Variants in SUGCT observed in about 807,000 individuals in gnomAD.
SUGCT encodes succinyl-CoA:glutarate CoA-transferase.
In SUGCT, 41 loss-of-function variants were observed where a neutral mutation model predicts 55.0. That is an observed-to-expected ratio of 0.74 (90% CI 0.58 to 0.97). The LOEUF is 0.97. SUGCT is among the 50% of genes least tolerant of loss of function. The pLI is 0.00. For synonymous variants in SUGCT, 187 were observed against 200.4 expected (o/e 0.93, Z 0.56); for missense variants, 568 against 547.8 (o/e 1.04, Z -0.37).
At chr7:40,878,758 C>T in the SUGCT span, among the ~76,000 whole-genome samples, 1 of 151,930 alleles carries the variant, frequency 6.6e-6, no homozygotes, top group Non-Finnish European at 1.5e-5. Flanking sequence ...CACCCTCCAC[C>T]ACACATGCAC....
At chr7:40,342,423 C>T (rs1185602731) in intron 9 of SUGCT, among the ~76,000 whole-genome samples, 2 of 152,146 alleles carry the variant, frequency 1.3e-5, no homozygotes, top group Non-Finnish European at 2.9e-5. Flanking sequence ...CATAATATTT[C>T]CTCCAGGCAA....
At chr7:40,448,678 T>G (rs1788996413) in intron 9 of SUGCT, among the ~76,000 whole-genome samples, 1 of 152,080 alleles carries the variant, frequency 6.6e-6, no homozygotes, top group Non-Finnish European at 1.5e-5. Flanking sequence ...AGACCCCATT[T>G]CTACAAAAAG....
the SUGCT span, among the ~76,000 whole-genome samples, chr7:40,888,813 C>T: frequency 1.3e-5 from 2 of 152,124 alleles, no homozygotes; most frequent in African/African-American, 2.4e-5. Flanking sequence ...CTGAGAAGAG[C>T]CCAGGTCACC....
intron 1 of SUGCT, among the ~76,000 whole-genome samples, chr7:40,147,720 TC>T (rs1225147400): frequency 1.6e-4 from 25 of 152,286 alleles, no homozygotes; most frequent in South Asian, 1.0e-3. Context: ...GGTCCTGATT[TC>T]TCACCCCTGA....
At chr7:40,519,442 G>A (rs907355543) in intron 12 of SUGCT, among the ~76,000 whole-genome samples, 4 of 151,938 alleles carry the variant, frequency 2.6e-5, no homozygotes, top group Non-Finnish European at 4.4e-5. Context: ...TTTGTAGTAT[G>A]TTTTCAACTC....
At chr7:40,460,151 T>C (rs980900167) in intron 11 of SUGCT, among the ~76,000 whole-genome samples, 1 of 152,234 alleles carries the variant, frequency 6.6e-6, no homozygotes, top group Non-Finnish European at 1.5e-5. Context: ...TATTTGGGGA[T>C]GTCTGCAGGA....
chr7:40,625,500 T>C (rs898027707), intron 12 of SUGCT, among the ~76,000 whole-genome samples: 1 of 152,064 alleles, frequency 6.6e-6, no homozygotes, highest in African/African-American at 2.4e-5. Flanking sequence ...TTCCTTCTCC[T>C]CCTCTTTCTT....
At chr7:40,839,464 A>G (rs900432929) in intron 13 of SUGCT, among the ~76,000 whole-genome samples, 1 of 152,138 alleles carries the variant, frequency 6.6e-6, no homozygotes, top group Admixed American at 6.5e-5. Context: ...TCCCTCTTCT[A>G]TATTCTGGAA....
chr7:40,207,542 C>T (rs369820936), intron 6 of SUGCT, among the ~76,000 whole-genome samples: 10 of 152,068 alleles, frequency 6.6e-5, no homozygotes, highest in South Asian at 2.1e-4. Context: ...GGAAGCTGGG[C>T]GTGGTGGTTC....
chr7:40,464,538 T>C (rs866081643), intron 11 of SUGCT, among the ~76,000 whole-genome samples: 14 of 152,168 alleles, frequency 9.2e-5, no homozygotes, highest in Admixed American at 3.9e-4. Context: ...AATAAAATCA[T>C]GACAGCAGAA....
At chr7:40,219,657 G>A (rs773201031) in intron 6 of SUGCT, among the ~76,000 whole-genome samples, 39 of 151,964 alleles carry the variant, frequency 2.6e-4, no homozygotes, top group Non-Finnish European at 3.7e-4. Flanking sequence ...TGCCAATCAC[G>A]GGGGTAGGGG....
At chr7:40,720,498 C>T (rs1262904637) in intron 12 of SUGCT, among the ~76,000 whole-genome samples, 2 of 152,304 alleles carry the variant, frequency 1.3e-5, no homozygotes, top group East Asian at 3.9e-4. Context: ...TCTGTAGACT[C>T]TTCCCCAAAA....
chr7:40,898,010 TGTGAAAG>T, the SUGCT span, among the ~76,000 whole-genome samples: 1 of 152,118 alleles, frequency 6.6e-6, no homozygotes, highest in Admixed American at 6.5e-5. Context: ...TCCCTTCCGG[TGTGAAAG>T]GTGTGTTCTT....
At chr7:40,452,841 C>T (rs1789263767) in intron 10 of SUGCT, among the ~76,000 whole-genome samples, 1 of 152,102 alleles carries the variant, frequency 6.6e-6, no homozygotes, top group African/African-American at 2.4e-5. Flanking sequence ...TTACCCCGAG[C>T]ACGGTGATCA....
intron 12 of SUGCT, among the ~76,000 whole-genome samples, chr7:40,731,489 T>C (rs943929253): frequency 6.6e-6 from 1 of 152,218 alleles, no homozygotes; most frequent in East Asian, 1.9e-4. Flanking sequence ...TATGCCTTTA[T>C]ACTTGAAAGA....
chr7:40,957,290 T>A, the SUGCT span, among the ~76,000 whole-genome samples: 1 of 152,158 alleles, frequency 6.6e-6, no homozygotes, highest in South Asian at 2.1e-4. Context: ...GCTTTATGAA[T>A]CTGGGTGCTC....
chr7:40,965,886 T>C, the SUGCT span: 5 of 152,208 alleles, frequency 3.3e-5, no homozygotes, highest in Admixed American at 6.5e-5. Flanking sequence ...AAGAAGACTG[T>C]TGGTTGAAAA....
intron 9 of SUGCT, among the ~76,000 whole-genome samples, chr7:40,360,373 A>C (rs887473401): frequency 2.0e-5 from 3 of 152,164 alleles, no homozygotes; most frequent in African/African-American, 7.2e-5. Context: ...GAAGAGGGTT[A>C]ATGCAAATTT....
At chr7:40,245,423 A>ATATATATTTTTTTTTTTTTTTTTTTTTTT (rs1344678220) in intron 7 of SUGCT, among the ~76,000 whole-genome samples, 2 of 54,598 alleles carry the variant, frequency 3.7e-5, no homozygotes, top group Non-Finnish European at 6.6e-5. Context: ...ATATATATAT[A>ATATATATTTTTTTTTTTTTTTTTTTTTTT]TTTTTTTTTT....
Sources: gnomAD v4.1 joint callset for allele counts (sites outside exome capture counted in the v4.1 genomes callset) on GRCh38, gnomAD v4.1.1 for gene constraint, MANE v1.5 for transcripts, NCBI Gene and HGNC (gene_info 2026-07-23, HGNC 2026-07-21) for gene names.